DMKN: variants seen among roughly 807,000 people sequenced by gnomAD.
DMKN encodes the protein epidermis-specific secreted protein SK30/SK89.
A neutral mutation model predicts 67.6 loss-of-function variants in DMKN; 58 were observed. The observed-to-expected ratio is 0.86, with a 90% CI of 0.69 to 1.07. The LOEUF is 1.07. Among genes scored for constraint, DMKN ranks in the 50% least tolerant of loss-of-function variants. The pLI, the probability that DMKN is intolerant of heterozygous loss-of-function variation, is 0.00. For missense variants in DMKN, 596 were observed against 601.5 expected (o/e 0.99, Z 0.10); for synonymous variants, 240 against 232.3 (o/e 1.03, Z -0.30).
intron 7 of DMKN, among the ~76,000 whole-genome samples, chr19:35,508,775 T>C (rs971199907): frequency 1.3e-5 from 2 of 152,184 alleles, no homozygotes; most frequent in Non-Finnish European, 2.9e-5. Flanking sequence ...TCCAGATGCA[T>C]CCCAGTTAAA....
intron 13 of DMKN, 114 bp from the exon 14 acceptor site, chr19:35,499,011 A>T: frequency 6.7e-7 from 1 of 1,495,504 alleles, no homozygotes; most frequent in Non-Finnish European, 9.2e-7. Context: ...CAGGGCTATC[A>T]CCAAGGTTTT....
chr19:35,510,588 G>C, intron 5 of DMKN: 1 of 1,487,514 alleles, frequency 6.7e-7, no homozygotes, highest in East Asian at 2.5e-5. Flanking sequence ...GGACCCTAGA[G>C]CCCTCACCTG....
chr19:35,510,509 G>A (rs2070563790), intron 5 of DMKN: 4 of 1,547,870 alleles, frequency 2.6e-6, no homozygotes, highest in Non-Finnish European at 3.5e-6. Flanking sequence ...CGCAGGCCGG[G>A]GGTGGGAACC....
chr19:35,504,867 C>G (rs559804282), intron 9 of DMKN, among the ~76,000 whole-genome samples: 3 of 151,904 alleles, frequency 2.0e-5, no homozygotes, highest in Non-Finnish European at 4.4e-5. Flanking sequence ...CCAACACCCC[C>G]CACCTGGGCC....
intron 10 of DMKN, among the ~76,000 whole-genome samples, chr19:35,502,437 C>T (rs956808541): frequency 1.3e-5 from 2 of 152,042 alleles, no homozygotes; most frequent in Admixed American, 6.5e-5. Context: ...CGGTGGCTCA[C>T]GCCTGTAATC....
chr19:35,502,944 C>G lies in DMKN; in HGVS notation c.1135-58G>C, dbSNP rs979813478. 5.8e-6 allele frequency: 9 copies of G among 1,542,418 alleles called. No individual in the cohort carries two copies. The African/African-American group carries it at 1.1e-4, about 19-fold the overall frequency. On this transcript the variant is annotated intron_variant, in intron 9 of 15. Coordinates refer to ENST00000339686, the MANE Select transcript of DMKN (RefSeq NM_033317.5). ...AGAGCCTGGGCCCACTCACCCACCC[C>G]TCCTCCTGCTACTGCCCTATCTCAA...
Position 35,513,121 on chromosome 19 carries a change from C to A in DMKN, c.355G>T (p.Asp119Tyr). 6.2e-7 allele frequency: 1 copy of A among 1,614,162 alleles called. No individual in the cohort carries two copies. Among genetic ancestry groups the A allele is most frequent in the Non-Finnish European group, 8.5e-7 (1 of 1,180,040 alleles). Reference protein sequence around the residue: ...TGHEIGRQAEDVIRHGADAVR... With the variant: ...TGHEIGRQAEYVIRHGADAVR... Reference sequence around the variant, plus strand: ...GCATCTGCTCCGTGTCGAATGACATCTTCTGCCTGTCTGCCAATCTCGTGC... The same window carrying A: ...GCATCTGCTCCGTGTCGAATGACATATTCTGCCTGTCTGCCAATCTCGTGC... Residue 119 changes from aspartate (D) to tyrosine (Y), a missense_variant, in exon 1 of 16, where the codon GAT (aspartate) becomes TAT (tyrosine). Asp to Tyr is a radical substitution (Grantham distance 160, BLOSUM62 -3). Transcript: ENST00000339686.
At chr19:35,498,584 C>T in intron 15 of DMKN, 132 bp downstream of exon 15, 1 of 1,258,950 alleles carries the variant, frequency 7.9e-7, no homozygotes, top group Non-Finnish European at 1.1e-6. Flanking sequence ...TTAGAGCACG[C>T]ACCCAGAGCA....
intron 7 of DMKN, among the ~76,000 whole-genome samples, chr19:35,508,878 G>C (rs1445186342): frequency 6.6e-6 from 1 of 152,030 alleles, no homozygotes; most frequent in Non-Finnish European, 1.5e-5. Context: ...AGGAAAAGAT[G>C]GCTGCTTTTT....
intron 8 of DMKN, 36 bp from the exon 9 acceptor site, chr19:35,505,801 A>G (rs749024080): frequency 5.6e-6 from 9 of 1,613,992 alleles, no homozygotes; most frequent in Non-Finnish European, 7.6e-6. Flanking sequence ...GGCCAAATTG[A>G]GTCATAAGGT....
At position 35,500,012 on chromosome 19, in the gene DMKN, C is replaced by T. The variant is rs1360560541; in HGVS notation, c.1305G>A (p.Gln435=). The T allele has an allele frequency of 6.2e-7, 1 of 1,614,186 alleles. No homozygotes were observed. The highest frequency in any genetic ancestry group is 1.6e-4 in the Middle Eastern group (1 of 6,062). Residue 435 remains glutamine (Q), a synonymous_variant, in exon 13 of 16, where the codon CAG becomes CAA. Coordinates refer to ENST00000339686, the MANE Select transcript of DMKN (RefSeq NM_033317.5). ...CACCATAGGCAGTGGGATACGCATG[C>T]TGGTTGTAATTGTAGTTCTGTGGAA... ...GRDDQNYNYN[Q]HAYPTAYGGK...
intron 13 of DMKN, 98 bp from the exon 14 acceptor site, chr19:35,498,995 T>G: frequency 6.3e-7 from 1 of 1,574,980 alleles, no homozygotes; most frequent in Non-Finnish European, 8.7e-7. Context: ...AAGGGCAGGC[T>G]CACACCAGGG....
Position 35,499,938 on chromosome 19 carries a change from A to G in DMKN, c.1359+20T>C. The G allele has an allele frequency of 6.2e-7, 1 of 1,613,036 alleles. No homozygotes were observed. The highest frequency in any genetic ancestry group is 8.5e-7 in the Non-Finnish European group (1 of 1,179,128). ...CATGCAGAGCCCCCAGCGGGAAGAC[A>G]GGGTGGTTGCCGGTCTCACCTTTGC... On this transcript the variant is annotated intron_variant, in intron 13 of 15. Coordinates refer to ENST00000339686, the MANE Select transcript of DMKN (RefSeq NM_033317.5).
At chr19:35,498,616 C>A in intron 15 of DMKN, 100 bp downstream of exon 15, 2 of 1,520,480 alleles carry the variant, frequency 1.3e-6, no homozygotes, top group South Asian at 1.2e-5. Context: ...ATGTCGCTGC[C>A]CACTGAGATC....
In DMKN at chr19:35,507,469, C is replaced by T. The variant is rs556680006; in HGVS notation, c.1039-1483G>A. The T allele has an allele frequency of 5.2e-6, 8 of 1,551,478 alleles. No individual in the cohort carries two copies. The African/African-American group carries it at 9.6e-5, about 19-fold the overall frequency. On this transcript the variant is annotated intron_variant, in intron 7 of 15. Coordinates refer to ENST00000339686, the MANE Select transcript of DMKN (RefSeq NM_033317.5). ...GCCCCTAGGCTCACCCTATAATTGT[C>T]TCCAGAGCCTCCAAGGAGGCGATTG...
Position 35,512,298 on chromosome 19 carries a change from C to T in DMKN, c.684+123G>A, listed in dbSNP as rs954127642. The stretch of plus-strand genomic sequence containing the variant: ...CAGGTGTGAGCCACCTCGCCCAGCC[C>T]CATCTCTTCCTCTCACCCCAATCCC... On this transcript the variant is annotated intron_variant, in intron 3 of 15. Transcript: ENST00000339686. 17 of 1,344,840 alleles carry T rather than the reference C, an allele frequency of 1.3e-5. No homozygotes were observed. In the Admixed American group the frequency reaches 3.2e-4, roughly 25 times the overall value. 83.3% of individuals were successfully genotyped at this position (1,344,840 alleles called of 1,614,324 possible).
At chr19:35,498,978 C>T (rs1006434408) in intron 13 of DMKN, 81 bp from the exon 14 acceptor site, 2 of 1,604,780 alleles carry the variant, frequency 1.2e-6, no homozygotes, top group Non-Finnish European at 1.7e-6. Flanking sequence ...ATGAAGGGCC[C>T]AGCAGCAAGG....
chr19:35,507,473 A>C, intron 7 of DMKN: 5 of 1,551,496 alleles, frequency 3.2e-6, no homozygotes, highest in Non-Finnish European at 4.4e-6. Flanking sequence ...AATTGTCTCC[A>C]GAGCCTCCAA....
chr19:35,498,473 C>A, intron 15 of DMKN: 1 of 578,650 alleles, frequency 1.7e-6, no homozygotes, highest in Admixed American at 3.3e-5. Context: ...CCTCCCAAAG[C>A]ACAGAGATTA....
Sources: gnomAD v4.1 joint callset for allele counts (sites outside exome capture counted in the v4.1 genomes callset) on GRCh38, gnomAD v4.1.1 for gene constraint, MANE v1.5 for transcripts, NCBI Gene and HGNC (gene_info 2026-07-23, HGNC 2026-07-21) for gene names.